ROBO1: variants seen among roughly 807,000 people sequenced by gnomAD.
ROBO1 encodes the protein roundabout homolog 1.
In ROBO1, 149 loss-of-function variants were observed where a neutral mutation model predicts 195.9. That is an observed-to-expected ratio of 0.76 (90% CI 0.67 to 0.87). The LOEUF is 0.87. Ranked by LOEUF, ROBO1 falls within the 40% of genes least tolerant of loss-of-function variation. The pLI is 0.00. For missense variants in ROBO1, 1,933 were observed against 2,068.3 expected, an observed-to-expected ratio of 0.93 and a Z score of 1.27; for synonymous variants, 816 against 733.2, an observed-to-expected ratio of 1.11 and a Z score of -1.82.
chr3:79,648,260 G>C (rs981320237), intron 1 of ROBO1, among the ~76,000 whole-genome samples: 3 of 152,014 alleles, frequency 2.0e-5, no homozygotes, highest in African/African-American at 7.2e-5. Flanking sequence ...CTGCCATTAG[G>C]TATGTCTGCA....
intron 1 of ROBO1, among the ~76,000 whole-genome samples, chr3:79,590,525 T>TA (rs1001511416): frequency 1.5e-4 from 22 of 151,714 alleles, no homozygotes; most frequent in Admixed American, 4.6e-4. Flanking sequence ...AGTGTCCTTG[T>TA]AAAAAAACAA....
At chr3:79,415,304 A>G (rs563643630) in intron 2 of ROBO1, among the ~76,000 whole-genome samples, 2 of 152,294 alleles carry the variant, frequency 1.3e-5, no homozygotes, top group Non-Finnish European at 2.9e-5. Flanking sequence ...CTGTATAATA[A>G]TATCTTACTT....
At chr3:79,481,091 T>G (rs1272051233) in intron 2 of ROBO1, among the ~76,000 whole-genome samples, 1 of 152,182 alleles carries the variant, frequency 6.6e-6, no homozygotes, top group Non-Finnish European at 1.5e-5. Flanking sequence ...ACATTCTGCA[T>G]AATTTATAAT....
chr3:78,827,774 C>T (rs2031765627), intron 4 of ROBO1, among the ~76,000 whole-genome samples: 1 of 152,158 alleles, frequency 6.6e-6, no homozygotes. Flanking sequence ...TGTTCTCTTC[C>T]TAAGGGAACT....
chr3:78,859,293 T>C (rs2034643118), intron 4 of ROBO1, among the ~76,000 whole-genome samples: 1 of 152,220 alleles, frequency 6.6e-6, no homozygotes, highest in African/African-American at 2.4e-5. Flanking sequence ...GAGTATCCCT[T>C]ATTCATGGAA....
intron 2 of ROBO1, among the ~76,000 whole-genome samples, chr3:79,197,438 T>G (rs953047939): frequency 6.6e-6 from 1 of 152,088 alleles, no homozygotes; most frequent in East Asian, 1.9e-4. Context: ...CAGTCTATCA[T>G]TAATGGACAT....
intron 2 of ROBO1, among the ~76,000 whole-genome samples, chr3:79,255,796 C>T (rs2082822125): frequency 6.6e-6 from 1 of 152,060 alleles, no homozygotes; most frequent in African/African-American, 2.4e-5. Flanking sequence ...CTCATCTCCC[C>T]CTCCACCACA....
intron 1 of ROBO1, among the ~76,000 whole-genome samples, chr3:79,696,505 G>A (rs975662578): frequency 1.3e-5 from 2 of 149,808 alleles, no homozygotes; most frequent in Admixed American, 6.7e-5. Context: ...TATATATGAG[G>A]TATAGAAGGA....
chr3:79,381,872 T>A (rs1345830602), intron 2 of ROBO1, among the ~76,000 whole-genome samples: 1 of 152,166 alleles, frequency 6.6e-6, no homozygotes, highest in Non-Finnish European at 1.5e-5. Context: ...CTTTTCAAAT[T>A]TAATATATTT....
intron 2 of ROBO1, among the ~76,000 whole-genome samples, chr3:79,212,765 A>G (rs1045770022): frequency 2.0e-5 from 3 of 151,874 alleles, no homozygotes; most frequent in African/African-American, 4.8e-5. Flanking sequence ...GGCTGCAATG[A>G]CCTAAGATCT....
chr3:78,666,064 G>A (rs931666756), intron 14 of ROBO1, among the ~76,000 whole-genome samples: 1 of 152,022 alleles, frequency 6.6e-6, no homozygotes, highest in African/African-American at 2.4e-5. Flanking sequence ...GAGTTCTCAG[G>A]AGACCCGATG....
chr3:79,280,976 G>C (rs1019286759), intron 2 of ROBO1, among the ~76,000 whole-genome samples: 1 of 152,228 alleles, frequency 6.6e-6, no homozygotes, highest in Non-Finnish European at 1.5e-5. Context: ...GACCCAGAGG[G>C]TTGGAGACCC....
At chr3:79,460,298 A>G (rs997008451) in intron 2 of ROBO1, among the ~76,000 whole-genome samples, 1 of 152,166 alleles carries the variant, frequency 6.6e-6, no homozygotes, top group Admixed American at 6.6e-5. Context: ...AAATATCCAA[A>G]TGTGTTTTAA....
chr3:78,832,640 G>C (rs191113130), intron 4 of ROBO1, among the ~76,000 whole-genome samples: 1 of 152,304 alleles, frequency 6.6e-6, no homozygotes, highest in Admixed American at 6.5e-5. Context: ...ACACAAAACT[G>C]AGTAGTAGGT....
intron 2 of ROBO1, among the ~76,000 whole-genome samples, chr3:79,547,359 A>G (rs1291687518): frequency 6.6e-6 from 1 of 152,034 alleles, no homozygotes; most frequent in Non-Finnish European, 1.5e-5. Flanking sequence ...GAGTCTGCAG[A>G]TTTTATATGA....
chr3:78,671,269 G>T (rs1043618408), intron 10 of ROBO1, among the ~76,000 whole-genome samples: 1 of 151,534 alleles, frequency 6.6e-6, no homozygotes, highest in Non-Finnish European at 1.5e-5. Context: ...CCCATCCCCT[G>T]ACTTAGGCAA....
chr3:78,856,600 T>C (rs905804241), intron 4 of ROBO1, among the ~76,000 whole-genome samples: 9 of 151,648 alleles, frequency 5.9e-5, no homozygotes, highest in Admixed American at 3.9e-4. Flanking sequence ...TCTACTTATG[T>C]GCCCTGACCT....
At chr3:79,506,461 A>AT (rs200619853) in intron 2 of ROBO1, among the ~76,000 whole-genome samples, 13,185 of 147,994 alleles carry the variant, frequency 0.089, 769 homozygotes, top group East Asian at 0.2. Flanking sequence ...AGATGAAGCA[A>AT]TTTTTTTTTT....
At chr3:78,892,763 C>A (rs1331558632) in intron 4 of ROBO1, among the ~76,000 whole-genome samples, 1 of 152,138 alleles carries the variant, frequency 6.6e-6, no homozygotes, top group East Asian at 1.9e-4. Flanking sequence ...CCTAAAGGGT[C>A]AATCTAGATA....
Sources: gnomAD v4.1 joint callset for allele counts (sites outside exome capture counted in the v4.1 genomes callset) on GRCh38, gnomAD v4.1.1 for gene constraint, MANE v1.5 for transcripts, NCBI Gene and HGNC (gene_info 2026-07-23, HGNC 2026-07-21) for gene names.